Variants in R3HDM2 observed in about 807,000 individuals in gnomAD.
R3HDM2 encodes R3H domain-containing protein 2.
In R3HDM2, 38 loss-of-function variants were observed where a neutral mutation model predicts 124.5. The observed-to-expected ratio is 0.31, with a 90% confidence interval of 0.24 to 0.40. R3HDM2 has a LOEUF of 0.40. Among genes scored for constraint, R3HDM2 ranks in the 10% least tolerant of loss-of-function variants. The pLI, the probability that R3HDM2 is intolerant of heterozygous loss-of-function variation, is 1.00. For missense variants in R3HDM2, 869 were observed against 1,236.9 expected (o/e 0.70, Z 4.46); for synonymous variants, 391 against 448.0 (o/e 0.87, Z 1.61).
chr12:57,263,596 G>A (rs1239633118), intron 19 of R3HDM2, among the ~76,000 whole-genome samples: 1 of 152,156 alleles, frequency 6.6e-6, no homozygotes, highest in Non-Finnish European at 1.5e-5. Flanking sequence ...AGCCTTCCAA[G>A]TAGCTGGGAT....
At chr12:57,404,602 C>T (rs1210884066) in intron 1 of R3HDM2, among the ~76,000 whole-genome samples, 1 of 152,030 alleles carries the variant, frequency 6.6e-6, no homozygotes, top group African/African-American at 2.4e-5. Flanking sequence ...ACTCAACAGG[C>T]TGAAACAGAA....
chr12:57,387,342 C>G (rs2065989511), intron 2 of R3HDM2, among the ~76,000 whole-genome samples: 2 of 152,058 alleles, frequency 1.3e-5, no homozygotes, highest in South Asian at 2.1e-4. Flanking sequence ...GACCACGAAC[C>G]CACCAGAAGG....
intron 19 of R3HDM2, among the ~76,000 whole-genome samples, chr12:57,263,371 G>A (rs1050927098): frequency 2.0e-5 from 3 of 152,116 alleles, no homozygotes; most frequent in African/African-American, 7.2e-5. Context: ...AAGTGCCCCT[G>A]GCAGACACTA....
At chr12:57,422,417 C>T (rs1319100748) in intron 1 of R3HDM2, among the ~76,000 whole-genome samples, 2 of 152,134 alleles carry the variant, frequency 1.3e-5, no homozygotes, top group Non-Finnish European at 2.9e-5. Flanking sequence ...CATCCCATTC[C>T]GTGCAGTTTG....
At chr12:57,395,249 G>T (rs2067323116) in intron 2 of R3HDM2, among the ~76,000 whole-genome samples, 1 of 152,078 alleles carries the variant, frequency 6.6e-6, no homozygotes, top group Admixed American at 6.6e-5. Flanking sequence ...GCTCACGCCT[G>T]TAATCCCAGC....
intron 2 of R3HDM2, among the ~76,000 whole-genome samples, chr12:57,373,512 T>C (rs1288705466): frequency 1.4e-5 from 2 of 147,534 alleles, no homozygotes; most frequent in South Asian, 2.2e-4. Flanking sequence ...AAAAAAAATG[T>C]AATAATAATA....
At chr12:57,427,592 C>T (rs1371072984) in intron 1 of R3HDM2, among the ~76,000 whole-genome samples, 1 of 151,718 alleles carries the variant, frequency 6.6e-6, no homozygotes, top group African/African-American at 2.4e-5. Flanking sequence ...TCTGGTGATG[C>T]CCCGTCCTTG....
At chr12:57,368,860 G>C (rs146557043) in intron 2 of R3HDM2, among the ~76,000 whole-genome samples, 1 of 151,942 alleles carries the variant, frequency 6.6e-6, no homozygotes, top group Non-Finnish European at 1.5e-5. Flanking sequence ...GTGATCTTGC[G>C]GACCCCCCCA....
intron 2 of R3HDM2, among the ~76,000 whole-genome samples, chr12:57,392,681 C>G (rs939905218): frequency 2.0e-5 from 3 of 152,104 alleles, no homozygotes; most frequent in Non-Finnish European, 4.4e-5. Context: ...ACAACCTCCG[C>G]CTCATTGGAA....
At chr12:57,277,101 A>AC (rs2044987674) in intron 14 of R3HDM2, among the ~76,000 whole-genome samples, 1 of 44,246 alleles carries the variant, frequency 2.3e-5, no homozygotes, top group African/African-American at 5.8e-5. Context: ...ATAATGAACA[A>AC]AAAAAAAAAA....
intron 2 of R3HDM2, among the ~76,000 whole-genome samples, chr12:57,335,195 T>A (rs12812140): frequency 6.6e-6 from 1 of 151,254 alleles, no homozygotes; most frequent in African/African-American, 2.4e-5. Context: ...ACTGCTGATC[T>A]GTGTCAATCT....
At chr12:57,303,102 A>G in intron 4 of R3HDM2, 74 bp downstream of exon 4, 4 of 1,330,266 alleles carry the variant, frequency 3.0e-6, no homozygotes, top group Admixed American at 2.1e-5. Flanking sequence ...AACAAACTAG[A>G]TATTCATGAC....
chr12:57,285,691 G>A (rs984839372), intron 12 of R3HDM2, among the ~76,000 whole-genome samples: 1 of 152,204 alleles, frequency 6.6e-6, no homozygotes, highest in African/African-American at 2.4e-5. Context: ...CAATAAAAAT[G>A]AGTGTGTTTG....
At chr12:57,284,524 C>T (rs1423236591) in intron 12 of R3HDM2, among the ~76,000 whole-genome samples, 2 of 152,242 alleles carry the variant, frequency 1.3e-5, no homozygotes, top group East Asian at 3.8e-4. Flanking sequence ...GGGTCTTCCA[C>T]ATAACACATG....
intron 2 of R3HDM2, among the ~76,000 whole-genome samples, chr12:57,326,059 G>A (rs902963596): frequency 1.3e-5 from 2 of 151,926 alleles, no homozygotes; most frequent in Admixed American, 6.6e-5. Flanking sequence ...AACTGTTTGG[G>A]GGCACCAGGA....
intron 2 of R3HDM2, among the ~76,000 whole-genome samples, chr12:57,320,636 T>C (rs2056286181): frequency 6.6e-6 from 1 of 151,962 alleles, no homozygotes; most frequent in East Asian, 1.9e-4. Context: ...AGTGAAGAAA[T>C]AGGATAATAC....
At chr12:57,407,799 C>T (rs1454180935) in intron 1 of R3HDM2, among the ~76,000 whole-genome samples, 1 of 152,150 alleles carries the variant, frequency 6.6e-6, no homozygotes, top group African/African-American at 2.4e-5. Context: ...GGGTCTCGCT[C>T]TGTTACCCAG....
At chr12:57,328,756 G>A (rs2057693078) in intron 2 of R3HDM2, among the ~76,000 whole-genome samples, 1 of 151,866 alleles carries the variant, frequency 6.6e-6, no homozygotes, top group African/African-American at 2.4e-5. Context: ...CAATGCTATT[G>A]CACCTGGCTC....
intron 1 of R3HDM2, among the ~76,000 whole-genome samples, chr12:57,421,916 G>A (rs1040909070): frequency 2.0e-5 from 3 of 152,038 alleles, no homozygotes; most frequent in Non-Finnish European, 1.5e-5. Context: ...GACCAACATG[G>A]TGAAACCCAT....
Sources: gnomAD v4.1 joint callset for allele counts (sites outside exome capture counted in the v4.1 genomes callset) on GRCh38, gnomAD v4.1.1 for gene constraint, MANE v1.5 for transcripts, NCBI Gene and HGNC (gene_info 2026-07-23, HGNC 2026-07-21) for gene names.